The following CYRIA variants were observed in gnomAD, a reference collection of about 807,000 sequenced individuals.
The protein encoded by CYRIA is CYFIP-related Rac1 interactor A.
CYRIA carries 15 observed loss-of-function variants against 43.9 expected under a neutral mutation model. The ratio of observed to expected loss-of-function variants is 0.34; its 90% CI spans 0.23 to 0.53. The LOEUF is 0.53. Ranked by LOEUF, CYRIA falls within the 20% of genes least tolerant of loss-of-function variation. The probability of loss-of-function intolerance (pLI) is 0.94; values close to 1 mark genes in which losing one functional copy is unlikely to be tolerated. For synonymous variants in CYRIA, 117 were observed against 136.0 expected, an observed-to-expected ratio of 0.86 and a Z score of 0.97; for missense variants, 236 against 394.2, an observed-to-expected ratio of 0.60 and a Z score of 3.40.
chr2:16,581,566 T>C (rs1667549622), intron 3 of CYRIA, among the ~76,000 whole-genome samples: 1 of 152,092 alleles, frequency 6.6e-6, no homozygotes, highest in Non-Finnish European at 1.5e-5. Flanking sequence ...TGTATAAGCA[T>C]GTTTATTATT....
chr2:16,593,369 T>A (rs1474374658), intron 2 of CYRIA, among the ~76,000 whole-genome samples: 1 of 152,200 alleles, frequency 6.6e-6, no homozygotes, highest in Non-Finnish European at 1.5e-5. Context: ...CATGGTATTT[T>A]AAATACATTT....
intron 3 of CYRIA, among the ~76,000 whole-genome samples, chr2:16,574,283 C>G (rs1667246502): frequency 6.6e-6 from 1 of 152,128 alleles, no homozygotes; most frequent in Admixed American, 6.5e-5. Context: ...GCAAAGCATT[C>G]AAGATGTGAT....
chr2:16,573,560 C>A (rs1667216353), intron 3 of CYRIA, among the ~76,000 whole-genome samples: 1 of 152,188 alleles, frequency 6.6e-6, no homozygotes, highest in South Asian at 2.1e-4. Context: ...GGCTGTGTCC[C>A]CACCCAAATC....
chr2:16,659,251 G>C (rs1670188270), intron 1 of CYRIA, among the ~76,000 whole-genome samples: 2 of 152,210 alleles, frequency 1.3e-5, no homozygotes, highest in African/African-American at 4.8e-5. Context: ...CTTGTTTATA[G>C]TGTGGGTGAT....
At chr2:16,571,863 T>C (rs1347154681) in intron 3 of CYRIA, among the ~76,000 whole-genome samples, 3 of 152,326 alleles carry the variant, frequency 2.0e-5, no homozygotes, top group Non-Finnish European at 4.4e-5. Context: ...ATTATTAATA[T>C]GTGGGGATGT....
At position 16,549,992 on chromosome 2, in the gene CYRIA, T is replaced by G. The variant is rs1322956342; in HGVS notation, c.*2944A>C. 1 of 151,824 alleles carries G rather than the reference T, an allele frequency of 6.6e-6. No homozygotes were observed. Among genetic ancestry groups the G allele is most frequent in the Non-Finnish European group, 1.5e-5 (1 of 67,968 alleles). 9.4% of individuals were successfully genotyped at this position (151,824 alleles called of 1,614,324 possible). A position where few individuals can be genotyped will look rare whatever the true frequency, so the allele number is the denominator to read the frequency against. The stretch of plus-strand genomic sequence containing the variant: ...GAAGACATCCATTTCCAGTTGTTTT[T>G]TTTTTTTGTTATTGTTTTTTTTTTT... On this transcript the variant is annotated 3_prime_UTR_variant, in exon 12 of 12. Coordinates refer to ENST00000381323, the MANE Select transcript of CYRIA (RefSeq NM_030797.4).
intron 5 of CYRIA, among the ~76,000 whole-genome samples, chr2:16,563,107 C>T (rs1038041525): frequency 6.6e-6 from 1 of 152,134 alleles, no homozygotes; most frequent in Non-Finnish European, 1.5e-5. Context: ...GGCCTGCTCT[C>T]GTAAGGAATT....
intron 1 of CYRIA, among the ~76,000 whole-genome samples, chr2:16,646,778 T>A (rs1669832315): frequency 6.6e-6 from 1 of 152,156 alleles, no homozygotes; most frequent in Admixed American, 6.6e-5. Flanking sequence ...TGGATGGGCC[T>A]CAACAGATCC....
intron 1 of CYRIA, among the ~76,000 whole-genome samples, chr2:16,624,222 G>T (rs536590551): frequency 6.6e-6 from 1 of 152,282 alleles, no homozygotes; most frequent in South Asian, 2.1e-4. Context: ...CTCACTCAGG[G>T]ACTCAGCAGT....
intron 1 of CYRIA, among the ~76,000 whole-genome samples, chr2:16,638,280 A>G (rs896826717): frequency 6.6e-6 from 1 of 152,202 alleles, no homozygotes; most frequent in African/African-American, 2.4e-5. Context: ...CTTGTTTGCT[A>G]ACAGCCCGTA....
At chr2:16,626,134 G>A (rs1669155791) in intron 1 of CYRIA, among the ~76,000 whole-genome samples, 1 of 152,066 alleles carries the variant, frequency 6.6e-6, no homozygotes, top group African/African-American at 2.4e-5. Flanking sequence ...CACACACAGA[G>A]ATGACCCTAA....
chr2:16,589,984 A>C (rs1667864526), intron 2 of CYRIA, among the ~76,000 whole-genome samples: 1 of 151,980 alleles, frequency 6.6e-6, no homozygotes, highest in Non-Finnish European at 1.5e-5. Context: ...TGGAAAAATG[A>C]ATTATGTGTG....
chr2:16,551,419 AG>A lies in CYRIA; in HGVS notation c.*1516del, dbSNP rs1191117519. 6.6e-6 allele frequency: 1 copy of A among 152,168 alleles called. No individual in the cohort carries two copies. The allele number at this position is 152,168 out of a possible 1,614,324, so 9.4% of individuals were successfully genotyped here. A position where few individuals can be genotyped will look rare whatever the true frequency, so the allele number is the denominator to read the frequency against. On this transcript the variant is annotated 3_prime_UTR_variant, in exon 12 of 12. Coordinates refer to ENST00000381323, the MANE Select transcript of CYRIA (RefSeq NM_030797.4). ...AGACCAGACTGAGGATTTACTTAGA[AG>A]GGTTGAATCCCATCCCATAGTATGT...
intron 1 of CYRIA, among the ~76,000 whole-genome samples, chr2:16,649,195 A>G (rs1246854263): frequency 6.6e-6 from 1 of 152,256 alleles, no homozygotes; most frequent in East Asian, 1.9e-4. Flanking sequence ...TTGAAAGTAT[A>G]TAGGAGGAGA....
intron 1 of CYRIA, among the ~76,000 whole-genome samples, chr2:16,635,210 A>T (rs951350638): frequency 5.3e-5 from 8 of 152,170 alleles, no homozygotes; most frequent in African/African-American, 1.7e-4. Flanking sequence ...CCTATCACGC[A>T]CAGGAAAGCC....
intron 2 of CYRIA, among the ~76,000 whole-genome samples, chr2:16,588,682 G>A (rs936701061): frequency 6.6e-6 from 1 of 152,096 alleles, no homozygotes; most frequent in East Asian, 1.9e-4. Flanking sequence ...AAGCTCACGA[G>A]GAATAGAGTT....
At chr2:16,641,961 G>A (rs1669690458) in intron 1 of CYRIA, among the ~76,000 whole-genome samples, 1 of 152,120 alleles carries the variant, frequency 6.6e-6, no homozygotes, top group Admixed American at 6.5e-5. Context: ...TAGGAGGTCA[G>A]GGTCTCTTAA....
At chr2:16,568,800 T>C (rs1170767931) in intron 3 of CYRIA, among the ~76,000 whole-genome samples, 1 of 152,194 alleles carries the variant, frequency 6.6e-6, no homozygotes, top group African/African-American at 2.4e-5. Flanking sequence ...GAAGGCACTC[T>C]GAGGCCAGAA....
At chr2:16,628,117 C>A (rs1364262950) in intron 1 of CYRIA, among the ~76,000 whole-genome samples, 1 of 152,130 alleles carries the variant, frequency 6.6e-6, no homozygotes, top group Non-Finnish European at 1.5e-5. Context: ...CTCACCATTT[C>A]TACAATGAAG....
Sources: allele counts gnomAD v4.1 joint callset (sites outside exome capture counted in the v4.1 genomes callset), GRCh38; gene constraint gnomAD v4.1.1; transcripts MANE v1.5; gene names NCBI Gene and HGNC (gene_info 2026-07-23, HGNC 2026-07-21).